Variants in CSMD1 observed in about 807,000 individuals in gnomAD.
CSMD1 encodes CUB and sushi domain-containing protein 1.
In CSMD1, 213 loss-of-function variants were observed where a neutral mutation model predicts 417.5. The ratio of observed to expected loss-of-function variants is 0.51; its 90% confidence interval spans 0.46 to 0.57. CSMD1 has a LOEUF of 0.57. Among genes scored for constraint, CSMD1 ranks in the 20% least tolerant of loss-of-function variants. The probability of loss-of-function intolerance (pLI) is 0.00; values close to 1 mark genes in which losing one functional copy is unlikely to be tolerated. For synonymous variants in CSMD1, 2,862 were observed against 1,736.8 expected, an observed-to-expected ratio of 1.65 and a Z score of -16.11; for missense variants, 6,923 against 4,529.7, an observed-to-expected ratio of 1.53 and a Z score of -15.17.
At chr8:3,221,095 G>A (rs188747405) in intron 28 of CSMD1, among the ~76,000 whole-genome samples, 4 of 152,088 alleles carry the variant, frequency 2.6e-5, no homozygotes, top group East Asian at 3.9e-4. Context: ...CTGGAGATTC[G>A]GATGATAAAA....
rs367993505 is a variant in CSMD1 at position 3,073,905 on chromosome 8, T to C, written c.7474+13192A>G. Among the ~76,000 whole-genome samples the C allele has an allele frequency of 2.3e-4, 35 of 152,320 alleles. No homozygotes were observed. In the East Asian group the frequency reaches 5.6e-3, roughly 24 times the overall value. The stretch of plus-strand genomic sequence containing the variant: ...GTTAGATGTGCAAGAATTAAGAAGA[T>C]TGGCAATTATAATGATTTCTTTTTA... On this transcript the variant is annotated intron_variant, in intron 49 of 69. Transcript: ENST00000635120.
At chr8:3,406,585 G>A (rs1337275899) in intron 14 of CSMD1, among the ~76,000 whole-genome samples, 1 of 152,078 alleles carries the variant, frequency 6.6e-6, no homozygotes, top group African/African-American at 2.4e-5. Context: ...TATGTCAGAG[G>A]ACTCTGACAT....
intron 47 of CSMD1, among the ~76,000 whole-genome samples, chr8:3,092,903 ATTG>A (rs1441978889): frequency 2.0e-4 from 14 of 71,786 alleles, no homozygotes; most frequent in Non-Finnish European, 4.6e-4. Flanking sequence ...TGCAGCTCTC[ATTG>A]TTGTTCATAA....
At chr8:3,235,903 T>C (rs916105983) in intron 26 of CSMD1, among the ~76,000 whole-genome samples, 2 of 148,154 alleles carry the variant, frequency 1.3e-5, no homozygotes, top group Non-Finnish European at 3.0e-5. Flanking sequence ...ATGCCAGTTA[T>C]ATGAAGATGT....
rs184007029 is a variant in CSMD1, at chr8:3,096,493, C to T, written c.7138+356G>A. Among the ~76,000 whole-genome samples, 69 of 152,264 alleles carry T rather than the reference C, an allele frequency of 4.5e-4. 1 individual carries two copies. The South Asian group carries it at 8.7e-3, about 19-fold the overall frequency. ...CTCTCTCTCTGTCTCTCATGCCTGC[C>T]GTCATCCATGTAAAATGTGACTTGC... On this transcript the variant is annotated intron_variant, in intron 47 of 69. Transcript: ENST00000635120.
chr8:4,916,939 G>C (rs894831084), intron 1 of CSMD1, among the ~76,000 whole-genome samples: 1 of 152,186 alleles, frequency 6.6e-6, no homozygotes, highest in African/African-American at 2.4e-5. Flanking sequence ...CAGGGTGTGA[G>C]ACATGTCATT....
chr8:4,964,222 A>G (rs915446634), intron 1 of CSMD1, among the ~76,000 whole-genome samples: 1 of 152,104 alleles, frequency 6.6e-6, no homozygotes, highest in African/African-American at 2.4e-5. Flanking sequence ...TGAATGAATG[A>G]GTAGCAGGCA....
At chr8:4,413,954 T>C (rs974605733) in intron 3 of CSMD1, among the ~76,000 whole-genome samples, 4 of 152,208 alleles carry the variant, frequency 2.6e-5, no homozygotes, top group African/African-American at 7.2e-5. Flanking sequence ...TTTCAAGCTC[T>C]ATAATTGTTA....
rs1817758313 is a variant in CSMD1, at chr8:3,481,695, CAG to C, written c.1448+11926_1448+11927del. ...GAGAGAGGCAGAGGGAGATTTCAGGCAGAGAAGATGGTCTCGTGACTCTGAAT... is the reference window on the plus strand; with the variant it reads ...GAGAGAGGCAGAGGGAGATTTCAGGCAGAAGATGGTCTCGTGACTCTGAAT... On this transcript the variant is annotated intron_variant, in intron 11 of 69. Transcript: ENST00000635120. 2.0e-5 allele frequency among the ~76,000 whole-genome samples: 3 copies of C among 152,290 alleles called. No individual in the cohort carries two copies. The South Asian group carries it at 6.2e-4, about 32-fold the overall frequency.
intron 40 of CSMD1, among the ~76,000 whole-genome samples, chr8:3,144,617 T>C (rs1818723008): frequency 6.6e-6 from 1 of 152,032 alleles, no homozygotes; most frequent in African/African-American, 2.4e-5. Flanking sequence ...ATAATCAAGG[T>C]GGAGCAACTC....
intron 2 of CSMD1, among the ~76,000 whole-genome samples, chr8:4,575,882 C>T (rs1651194537): frequency 6.6e-6 from 1 of 152,166 alleles, no homozygotes; most frequent in African/African-American, 2.4e-5. Context: ...TGCTGTCATT[C>T]ATTCCCCGTG....
chr8:4,364,302 A>T (rs1262087851), intron 3 of CSMD1, among the ~76,000 whole-genome samples: 1 of 152,222 alleles, frequency 6.6e-6, no homozygotes, highest in Non-Finnish European at 1.5e-5. Context: ...GGGAACATTA[A>T]GGTCCTCTTG....
chr8:3,406,043 G>T lies in CSMD1; in HGVS notation c.2250C>A (p.Thr750=), dbSNP rs747251319. Residue 750 remains threonine, a synonymous_variant, in exon 15 of 70, where the codon ACC becomes ACA. Transcript: ENST00000635120. ...GGACTGCACCTTCACAGCGGGGCAC[G>T]GTGGAGCTCCAGACCACGTTCCCGT... ...LQDGNVVWSS[T]VPRCEAPCGG... is the part of the protein sequence containing the mutation. 6.2e-7 allele frequency: 1 copy of T among 1,613,828 alleles called. No individual in the cohort carries two copies. The highest frequency in any genetic ancestry group is 8.5e-7 in the Non-Finnish European group (1 of 1,179,814).
intron 26 of CSMD1, among the ~76,000 whole-genome samples, chr8:3,253,170 C>G (rs966943290): frequency 6.6e-6 from 1 of 151,920 alleles, no homozygotes; most frequent in Admixed American, 6.6e-5. Flanking sequence ...GCATTTAGTG[C>G]TATAAATTTC....
At chr8:4,135,642 A>C (rs1383369310) in intron 3 of CSMD1, among the ~76,000 whole-genome samples, 2 of 152,150 alleles carry the variant, frequency 1.3e-5, no homozygotes, top group African/African-American at 4.8e-5. Context: ...GATGTTTGGG[A>C]TAATATATGA....
At position 3,367,808 on chromosome 8, in the gene CSMD1, T is replaced by G. The variant is rs80003569; in HGVS notation, c.2900-561A>C. ...TACATATTGGCATAGATATGTATAT[T>G]TAAGAAAAACAGGTGAGAATGTTTA... On this transcript the variant is annotated intron_variant, in intron 19 of 69. Coordinates refer to ENST00000635120, the MANE Select transcript of CSMD1 (RefSeq NM_033225.6). 2.3e-3 allele frequency among the ~76,000 whole-genome samples: 347 copies of G among 152,262 alleles called. 6 individuals are homozygous for G. The East Asian group carries it at 0.058, about 26-fold the overall frequency.
At chr8:4,145,322 T>C (rs1647363) in intron 3 of CSMD1, among the ~76,000 whole-genome samples, 30,477 of 150,852 alleles carry the variant, frequency 0.2, 3,654 homozygotes, top group East Asian at 0.3. Flanking sequence ...TCACCATTTT[T>C]TGAGGAAAAA....
At chr8:2,945,434 A>G (rs1340885535) in intron 68 of CSMD1, among the ~76,000 whole-genome samples, 1 of 152,220 alleles carries the variant, frequency 6.6e-6, no homozygotes, top group Non-Finnish European at 1.5e-5. Context: ...GTCCAGGGAC[A>G]TTAAGGGTGT....
At chr8:3,782,633 C>A (rs193204328) in intron 5 of CSMD1, among the ~76,000 whole-genome samples, 55 of 152,250 alleles carry the variant, frequency 3.6e-4, no homozygotes, top group African/African-American at 1.3e-3. Context: ...TACCCTAGAA[C>A]TTAAAGTGTA....
Sources: allele counts gnomAD v4.1 joint callset (sites outside exome capture counted in the v4.1 genomes callset), GRCh38; gene constraint gnomAD v4.1.1; transcripts MANE v1.5; gene names NCBI Gene and HGNC (gene_info 2026-07-23, HGNC 2026-07-21).